The following CLOCK variants were observed in gnomAD, a reference collection of about 807,000 sequenced individuals.
CLOCK encodes clock circadian regulator, also known as circadian locomoter output cycles protein kaput.
Under a neutral mutation model 118.4 loss-of-function variants are expected in CLOCK, and 43 were observed. That is an observed-to-expected ratio of 0.36 (90% CI 0.28 to 0.47). The LOEUF is 0.47. Among genes scored for constraint, CLOCK ranks in the 20% least tolerant of loss-of-function variants. The pLI, the probability that CLOCK is intolerant of heterozygous loss-of-function variation, is 1.00. For missense variants in CLOCK, 846 were observed against 999.9 expected, an observed-to-expected ratio of 0.85 and a Z score of 2.08; for synonymous variants, 326 against 339.2, an observed-to-expected ratio of 0.96 and a Z score of 0.43.
In CLOCK at chr4:55,438,586, ACAT is replaced by A. The variant is rs1196444149; in HGVS notation, c.2106-52_2106-50del. ...AATTGGAGTCCAAAGTACAAGGTAT[ACAT>A]CATAAAACGCAGTGGAGTAAATACT... On this transcript the variant is annotated intron_variant, in intron 21 of 22. Coordinates refer to ENST00000513440, the MANE Select transcript of CLOCK (RefSeq NM_004898.4). The A allele has an allele frequency of 3.1e-6, 5 of 1,611,270 alleles. No individual in the cohort carries two copies. The South Asian group carries it at 5.5e-5, about 18-fold the overall frequency.
intron 15 of CLOCK, among the ~76,000 whole-genome samples, chr4:55,450,952 C>T (rs74327481): frequency 0.024 from 3,602 of 151,934 alleles, 49 homozygotes; most frequent in Non-Finnish European, 0.036. Context: ...TTTCATACAG[C>T]GACACTAATC....
At position 55,503,978 on chromosome 4, in the gene CLOCK, TAAAAA is replaced by T. The variant is rs60471915; in HGVS notation, c.-136+5929_-136+5933del. ...ACAGTTTCTATTTGGCAAAAAGAGGTAAAAAAAAAAAAAAAAAAAAAAAAAGCCGG... is the reference window on the plus strand; with the variant it reads ...ACAGTTTCTATTTGGCAAAAAGAGGTAAAAAAAAAAAAAAAAAAAAGCCGG... On this transcript the variant is annotated intron_variant, in intron 2 of 22. Transcript: ENST00000513440. 3.8e-3 allele frequency among the ~76,000 whole-genome samples: 267 copies of T among 71,146 alleles called. 2 individuals are homozygous for T. The highest frequency in any genetic ancestry group is 0.013 in the African/African-American group (254 of 19,626). 46.7% of individuals were successfully genotyped at this position (71,146 alleles called of 152,430 possible). A position where few individuals can be genotyped will look rare whatever the true frequency, so the allele number is the denominator to read the frequency against.
chr4:55,523,315 A>AAAC (rs1729961411), intron 1 of CLOCK, among the ~76,000 whole-genome samples: 2 of 152,052 alleles, frequency 1.3e-5, no homozygotes, highest in South Asian at 4.2e-4. Flanking sequence ...ACAAACAAAC[A>AAAC]AAACCAGACA....
chr4:55,497,736 A>G (rs897683645), intron 2 of CLOCK, among the ~76,000 whole-genome samples: 13 of 152,226 alleles, frequency 8.5e-5, no homozygotes, highest in South Asian at 4.1e-4. Flanking sequence ...TGGTAGCAAC[A>G]GGCTCTAGGG....
chr4:55,436,701 T>A (rs1290494048), intron 22 of CLOCK, among the ~76,000 whole-genome samples: 1 of 152,154 alleles, frequency 6.6e-6, no homozygotes, highest in Non-Finnish European at 1.5e-5. Context: ...CTCTTTGTTA[T>A]TAGGAAAAGC....
intron 1 of CLOCK, among the ~76,000 whole-genome samples, chr4:55,515,326 C>G (rs1729436652): frequency 6.6e-6 from 1 of 152,060 alleles, no homozygotes; most frequent in African/African-American, 2.4e-5. Flanking sequence ...AAAGAACCAG[C>G]TTTTGGTTTT....
intron 9 of CLOCK, 38 bp from the exon 10 acceptor site, chr4:55,459,299 A>T (rs1725147175): frequency 8.3e-7 from 1 of 1,206,028 alleles, no homozygotes; most frequent in East Asian, 2.3e-5. Flanking sequence ...CATATTTCTG[A>T]TATAAAACAA....
In CLOCK at chr4:55,523,033, T is replaced by C. The variant is rs559433993; in HGVS notation, c.-289-12968A>G. On this transcript the variant is annotated intron_variant, in intron 1 of 22. Coordinates refer to ENST00000513440, the MANE Select transcript of CLOCK (RefSeq NM_004898.4). ...CGAACAGGCTGGGCGCAGTGGCTCA[T>C]GCCTGTAATCCCAGCACTTTGGGAG... is the stretch of plus-strand genomic sequence containing the variant. Among the ~76,000 whole-genome samples, 18 of 152,224 alleles carry C rather than the reference T, an allele frequency of 1.2e-4. No individual in the cohort carries two copies. The East Asian group carries it at 3.3e-3, about 28-fold the overall frequency.
chr4:55,527,912 G>A (rs564785617), intron 1 of CLOCK, among the ~76,000 whole-genome samples: 1 of 152,000 alleles, frequency 6.6e-6, no homozygotes, highest in African/African-American at 2.4e-5. Context: ...GGGCATAGTG[G>A]CACATGCCTA....
intron 3 of CLOCK, among the ~76,000 whole-genome samples, chr4:55,486,923 T>G (rs1727334951): frequency 6.6e-6 from 1 of 152,186 alleles, no homozygotes; most frequent in South Asian, 2.1e-4. Context: ...TTGTTCTCTA[T>G]TCTTTGTTTT....
intron 8 of CLOCK, among the ~76,000 whole-genome samples, chr4:55,464,821 A>G (rs1027276212): frequency 6.6e-6 from 1 of 152,152 alleles, no homozygotes; most frequent in African/African-American, 2.4e-5. Flanking sequence ...CATACTTTTA[A>G]TAACAAAAAC....
rs370576267 is a variant in CLOCK at position 55,480,113 on chromosome 4, C to T, written c.48-414G>A. Among the ~76,000 whole-genome samples the T allele has an allele frequency of 3.9e-5, 6 of 152,194 alleles. No individual in the cohort carries two copies. In the South Asian group the frequency reaches 1.2e-3, roughly 32 times the overall value. On this transcript the variant is annotated intron_variant, in intron 4 of 22. Coordinates refer to ENST00000513440, the MANE Select transcript of CLOCK (RefSeq NM_004898.4). ...TTCTAAAACCACAATTACTCGTAAA[C>T]ATCACAATGTAATGCATTAACTTAT...
At chr4:55,495,785 A>G (rs1728029553) in intron 2 of CLOCK, among the ~76,000 whole-genome samples, 1 of 152,082 alleles carries the variant, frequency 6.6e-6, no homozygotes, top group Non-Finnish European at 1.5e-5. Context: ...CTAATATCCA[A>G]AAGACCCTCC....
chr4:55,464,069 C>T (rs1168441290), intron 8 of CLOCK, among the ~76,000 whole-genome samples: 1 of 152,160 alleles, frequency 6.6e-6, no homozygotes, highest in Non-Finnish European at 1.5e-5. Flanking sequence ...TTTCAAAATA[C>T]AACGGGACCA....
At chr4:55,451,622 A>C (rs1185071267) in intron 15 of CLOCK, among the ~76,000 whole-genome samples, 2 of 152,196 alleles carry the variant, frequency 1.3e-5, no homozygotes, top group African/African-American at 4.8e-5. Context: ...TGTATTTTGG[A>C]AACAGGGCTA....
chr4:55,440,321 C>CT (rs1424186108), intron 21 of CLOCK, among the ~76,000 whole-genome samples: 1 of 152,174 alleles, frequency 6.6e-6, no homozygotes, highest in East Asian at 1.9e-4. Flanking sequence ...ATTTTTCCCT[C>CT]TTTCCCTGCT....
chr4:55,465,428 A>G (rs928611438), intron 8 of CLOCK, among the ~76,000 whole-genome samples: 3 of 152,292 alleles, frequency 2.0e-5, no homozygotes, highest in South Asian at 2.1e-4. Flanking sequence ...CTGTTGCCCT[A>G]TAGCTGAATA....
chr4:55,508,697 A>C (rs1181296881), intron 2 of CLOCK, among the ~76,000 whole-genome samples: 1 of 151,152 alleles, frequency 6.6e-6, no homozygotes, highest in Non-Finnish European at 1.5e-5. Context: ...GGTTCACGCC[A>C]TTCTTCTGCC....
chr4:55,495,890 T>TA (rs1491188620), intron 2 of CLOCK, among the ~76,000 whole-genome samples: 2 of 124,812 alleles, frequency 1.6e-5, no homozygotes, highest in African/African-American at 2.6e-5. Context: ...AAACTTTTTT[T>TA]AAAAAAACAA....
Sources: gnomAD v4.1 joint callset for allele counts (sites outside exome capture counted in the v4.1 genomes callset) on GRCh38, gnomAD v4.1.1 for gene constraint, MANE v1.5 for transcripts, NCBI Gene and HGNC (gene_info 2026-07-23, HGNC 2026-07-21) for gene names.